SYT13: variants seen among roughly 807,000 people sequenced by gnomAD.
SYT13 encodes the protein synaptotagmin 13.
In SYT13, 21 loss-of-function variants were observed where a neutral mutation model predicts 38.6. The ratio of observed to expected loss-of-function variants is 0.54; its 90% CI spans 0.39 to 0.78. The LOEUF (loss-of-function observed/expected upper bound fraction) is 0.78. Among genes scored for constraint, SYT13 ranks in the 30% least tolerant of loss-of-function variants. The pLI is 0.00. For missense variants in SYT13, 495 were observed against 548.7 expected (o/e 0.90, Z 0.98); for synonymous variants, 241 against 237.6 (o/e 1.01, Z -0.13).
At chr11:45,283,352 C>CT (rs938623012) in intron 1 of SYT13, among the ~76,000 whole-genome samples, 1 of 152,176 alleles carries the variant, frequency 6.6e-6, no homozygotes, top group Non-Finnish European at 1.5e-5. Context: ...TTACAGTCAT[C>CT]TAGACCCCTA....
At chr11:45,259,718 G>A (rs965389439) in intron 1 of SYT13, among the ~76,000 whole-genome samples, 1 of 152,138 alleles carries the variant, frequency 6.6e-6, no homozygotes, top group African/African-American at 2.4e-5. Context: ...CTGATTCCCA[G>A]GGGTTGGCAC....
chr11:45,279,116 TA>T (rs1855043054), intron 1 of SYT13, among the ~76,000 whole-genome samples: 1 of 152,254 alleles, frequency 6.6e-6, no homozygotes, highest in Admixed American at 6.5e-5. Context: ...TTTTTTCTGC[TA>T]ATCTTCAACC....
At chr11:45,261,122 A>G (rs762190558) in intron 1 of SYT13, among the ~76,000 whole-genome samples, 2 of 152,256 alleles carry the variant, frequency 1.3e-5, no homozygotes, top group Non-Finnish European at 2.9e-5. Context: ...AAAGATGCTC[A>G]TCATCACTAA....
chr11:45,274,293 C>A lies in SYT13; in HGVS notation c.183+11732G>T, dbSNP rs184332160. ...CACCTAACCTCACGTTCATTCCTTTCTGTTCTTTGTCTCTATGTGTTTTGT... is the reference window on the plus strand; with the variant it reads ...CACCTAACCTCACGTTCATTCCTTTATGTTCTTTGTCTCTATGTGTTTTGT... On this transcript the variant is annotated intron_variant, in intron 1 of 5. Transcript: ENST00000020926. Among the ~76,000 whole-genome samples, 17 of 152,280 alleles carry A rather than the reference C, an allele frequency of 1.1e-4. No individual in the cohort carries two copies. The East Asian group carries it at 2.9e-3, about 26-fold the overall frequency.
In SYT13 at chr11:45,243,656, G is replaced by A. The variant is rs552968253; in HGVS notation, c.*396C>T. On this transcript the variant is annotated 3_prime_UTR_variant, in exon 6 of 6. Coordinates refer to ENST00000020926, the MANE Select transcript of SYT13 (RefSeq NM_020826.3). ...CCACCTGGGCAATCTCTAACTCTAG[G>A]AGTTGATCCAGGATACTTTCACTTC... is the stretch of plus-strand genomic sequence containing the variant. 6.1e-6 allele frequency: 1 copy of A among 165,002 alleles called. No homozygotes were observed. Among genetic ancestry groups the A allele is most frequent in the South Asian group, 1.8e-4 (1 of 5,520 alleles). The allele number at this position is 165,002 out of a possible 1,614,324, so 10.2% of individuals were successfully genotyped here. A position where few individuals can be genotyped will look rare whatever the true frequency, so the allele number is the denominator to read the frequency against.
intron 3 of SYT13, among the ~76,000 whole-genome samples, chr11:45,253,218 T>C (rs984852485): frequency 6.6e-6 from 1 of 152,240 alleles, no homozygotes; most frequent in African/African-American, 2.4e-5. Flanking sequence ...ACACCTTGGG[T>C]ACTTTTCTGA....
intron 4 of SYT13, among the ~76,000 whole-genome samples, chr11:45,250,016 C>T (rs1223666198): frequency 6.6e-6 from 1 of 152,162 alleles, no homozygotes; most frequent in East Asian, 1.9e-4. Context: ...AGTCTGTTAA[C>T]CCATCTGGCC....
At chr11:45,250,099 T>C (rs1211280387) in intron 4 of SYT13, among the ~76,000 whole-genome samples, 1 of 152,138 alleles carries the variant, frequency 6.6e-6, no homozygotes, top group Non-Finnish European at 1.5e-5. Context: ...CCACACCCTC[T>C]AGCTGGGGCG....
intron 1 of SYT13, among the ~76,000 whole-genome samples, chr11:45,273,882 A>G (rs1300793010): frequency 6.6e-6 from 1 of 152,240 alleles, no homozygotes; most frequent in African/African-American, 2.4e-5. Flanking sequence ...AGGATAAATA[A>G]GAAAATAATT....
chr11:45,244,184 A>G lies in SYT13; in HGVS notation c.1149T>C (p.Asp383=), dbSNP rs780721591. ...GGCCAAGCGCACAGCTCTGCCCTGA[A>G]TCGTCCTGGCCCAGCACTTCCAGCT... ...SVELEVLGQD[D]SGQSCALGHC... Residue 383 remains aspartate (D), a synonymous_variant, in exon 6 of 6, where the codon GAT becomes GAC. Coordinates refer to ENST00000020926, the MANE Select transcript of SYT13 (RefSeq NM_020826.3). 1 of 1,614,020 alleles carries G rather than the reference A, an allele frequency of 6.2e-7. No homozygotes were observed. Among genetic ancestry groups the G allele is most frequent in the Non-Finnish European group, 8.5e-7 (1 of 1,180,034 alleles).
chr11:45,267,130 G>A (rs1337065980), intron 1 of SYT13, among the ~76,000 whole-genome samples: 1 of 152,206 alleles, frequency 6.6e-6, no homozygotes, highest in Non-Finnish European at 1.5e-5. Flanking sequence ...CACTGAGTCC[G>A]TAGAGTTCAG....
rs757864410 is a variant in SYT13, at chr11:45,252,591, C to T, written c.676G>A (p.Val226Met). Residue 226 changes from valine (V) to methionine (M), a missense_variant, in exon 4 of 6, where the codon GTG (valine) becomes ATG (methionine). Val to Met is a conservative substitution (Grantham distance 21). Transcript: ENST00000020926. The surrounding 1 kb of genome is among the most constrained non-coding windows in gnomAD (Gnocchi z 4.3). Reference protein sequence around the residue: ...QLHTTWEEGLVLPLAEEELPT... With the variant: ...QLHTTWEEGLMLPLAEEELPT... ...AGCTCCTCCTCCGCCAGGGGGAGCA[C>T]CAGGCCCTCCTCCCAGGTGGTGTGC... is the stretch of plus-strand genomic sequence containing the variant. 1.1e-5 allele frequency: 18 copies of T among 1,614,038 alleles called. No individual in the cohort carries two copies. The South Asian group carries it at 1.6e-4, about 15-fold the overall frequency.
chr11:45,244,205 C>T lies in SYT13; in HGVS notation c.1128G>A (p.Leu376=). Residue 376 remains leucine (L), a synonymous_variant, in exon 6 of 6, where the codon CTG becomes CTA. Coordinates refer to ENST00000020926, the MANE Select transcript of SYT13 (RefSeq NM_020826.3). ...CTGAATCGTCCTGGCCCAGCACTTC[C>T]AGCTCCACACTGGAGGCCTGCAGCA... ...DDLLQASSVE[L]EVLGQDDSGQ... The T allele has an allele frequency of 6.2e-7, 1 of 1,614,030 alleles. No homozygotes were observed. The highest frequency in any genetic ancestry group is 1.3e-5 in the African/African-American group (1 of 75,052).
chr11:45,258,340 G>C (rs1854773730), intron 1 of SYT13: 1 of 152,134 alleles, frequency 6.6e-6, no homozygotes, highest in African/African-American at 2.4e-5. Flanking sequence ...CCCCCACTGA[G>C]AGTGTCACTG....
At chr11:45,266,428 C>T (rs942050318) in intron 1 of SYT13, among the ~76,000 whole-genome samples, 4 of 151,902 alleles carry the variant, frequency 2.6e-5, no homozygotes, top group African/African-American at 7.3e-5. Flanking sequence ...AAATTACTAC[C>T]AGCAAGGAAA....
In SYT13 at chr11:45,243,830, C is replaced by G; in HGVS notation, c.*222G>C. On this transcript the variant is annotated 3_prime_UTR_variant, in exon 6 of 6. Transcript: ENST00000020926. ...ATTTAATAAGCACCTCCTTCAATAA[C>G]ACAGATGAGCAAAATGCATTCCTCA... 1.8e-6 allele frequency: 1 copy of G among 544,210 alleles called. No individual in the cohort carries two copies. The highest frequency in any genetic ancestry group is 3.2e-6 in the Non-Finnish European group (1 of 311,456). The allele number at this position is 544,210 out of a possible 1,614,324, so 33.7% of individuals were successfully genotyped here.
At chr11:45,265,148 A>C (rs183214162) in intron 1 of SYT13, among the ~76,000 whole-genome samples, 2 of 152,376 alleles carry the variant, frequency 1.3e-5, no homozygotes, top group Non-Finnish European at 2.9e-5. Flanking sequence ...ACAATGGAAT[A>C]TTCCTCGACC....
chr11:45,270,650 A>G (rs763779952), intron 1 of SYT13, among the ~76,000 whole-genome samples: 4 of 152,198 alleles, frequency 2.6e-5, no homozygotes, highest in African/African-American at 4.8e-5. Context: ...GCTTTTCTTC[A>G]TGGAAGAGAA....
intron 1 of SYT13, among the ~76,000 whole-genome samples, chr11:45,283,744 G>C (rs1271558512): frequency 6.6e-6 from 1 of 152,220 alleles, no homozygotes; most frequent in Non-Finnish European, 1.5e-5. Flanking sequence ...CTTGCACATG[G>C]TTACAAAGAC....
Sources: allele counts gnomAD v4.1 joint callset (sites outside exome capture counted in the v4.1 genomes callset), GRCh38; gene constraint gnomAD v4.1.1; non-coding constraint Gnocchi (gnomAD v3.1); transcripts MANE v1.5; gene names NCBI Gene and HGNC (gene_info 2026-07-23, HGNC 2026-07-21).